SRGAP1: variants seen among roughly 807,000 people sequenced by gnomAD.
The protein encoded by SRGAP1 is SLIT-ROBO Rho GTPase-activating protein 1.
In SRGAP1, 43 loss-of-function variants were observed where a neutral mutation model predicts 121.9. The observed-to-expected ratio is 0.35, with a 90% confidence interval of 0.28 to 0.46. The LOEUF (loss-of-function observed/expected upper bound fraction) is 0.46, where lower values mean the gene tolerates loss of function less well. Among genes scored for constraint, SRGAP1 ranks in the 20% least tolerant of loss-of-function variants. The probability of loss-of-function intolerance (pLI) is 1.00; values close to 1 mark genes in which losing one functional copy is unlikely to be tolerated. For missense variants in SRGAP1, 1,102 were observed against 1,350.9 expected (o/e 0.82, Z 2.89); for synonymous variants, 447 against 485.4 (o/e 0.92, Z 1.04).
intron 6 of SRGAP1, among the ~76,000 whole-genome samples, chr12:64,046,713 A>C (rs1053449322): frequency 6.6e-6 from 1 of 152,134 alleles, no homozygotes; most frequent in Non-Finnish European, 1.5e-5. Flanking sequence ...TGAGATACCT[A>C]TCAGACATCT....
intron 19 of SRGAP1, among the ~76,000 whole-genome samples, chr12:64,127,243 C>T (rs1396345404): frequency 2.0e-5 from 3 of 152,104 alleles, no homozygotes; most frequent in African/African-American, 7.2e-5. Context: ...AGTATAAATG[C>T]CATACATATG....
chr12:64,082,489 C>G (rs1056917005), intron 10 of SRGAP1, among the ~76,000 whole-genome samples: 1 of 148,802 alleles, frequency 6.7e-6, no homozygotes, highest in African/African-American at 2.5e-5. Context: ...TCACTGTCAT[C>G]GCCCAGGCTG....
At chr12:63,887,142 G>A (rs1900414444) in intron 1 of SRGAP1, among the ~76,000 whole-genome samples, 1 of 152,190 alleles carries the variant, frequency 6.6e-6, no homozygotes, top group Admixed American at 6.5e-5. Context: ...CCAAAGTGCT[G>A]GGATTACAGG....
chr12:64,004,189 A>G (rs1593028970), intron 3 of SRGAP1, among the ~76,000 whole-genome samples: 3 of 152,214 alleles, frequency 2.0e-5, no homozygotes, highest in South Asian at 2.1e-4. Flanking sequence ...TTGTTTTCCC[A>G]TCTTAGGGTT....
At chr12:63,922,876 C>T (rs906890530) in intron 1 of SRGAP1, among the ~76,000 whole-genome samples, 1 of 152,224 alleles carries the variant, frequency 6.6e-6, no homozygotes, top group Non-Finnish European at 1.5e-5. Flanking sequence ...TGGTCAACCA[C>T]AAGAGTAGAT....
intron 4 of SRGAP1, among the ~76,000 whole-genome samples, chr12:64,031,707 G>A (rs560371737): frequency 6.6e-6 from 1 of 152,180 alleles, no homozygotes; most frequent in Non-Finnish European, 1.5e-5. Context: ...TCTCTTGAAA[G>A]GAAGCCTTCT....
intron 1 of SRGAP1, among the ~76,000 whole-genome samples, chr12:63,861,684 A>G (rs1244730837): frequency 6.6e-6 from 1 of 152,098 alleles, no homozygotes; most frequent in Non-Finnish European, 1.5e-5. Flanking sequence ...GTGACTCATG[A>G]CCTGTTTAAA....
At chr12:63,934,332 G>C (rs1182424470) in intron 1 of SRGAP1, among the ~76,000 whole-genome samples, 1 of 152,052 alleles carries the variant, frequency 6.6e-6, no homozygotes, top group African/African-American at 2.4e-5. Context: ...AGCTGCTTTT[G>C]AGTCAGTCCC....
chr12:63,956,303 G>C (rs1026715501), intron 1 of SRGAP1, among the ~76,000 whole-genome samples: 2 of 152,096 alleles, frequency 1.3e-5, no homozygotes, highest in Non-Finnish European at 2.9e-5. Context: ...GGGCTCAAGC[G>C]ATCCGTCTGC....
chr12:63,929,039 C>T (rs2031365468), intron 1 of SRGAP1, among the ~76,000 whole-genome samples: 1 of 152,082 alleles, frequency 6.6e-6, no homozygotes. Flanking sequence ...CCTAACAGGC[C>T]ACGGACCAAT....
At chr12:63,967,528 G>A (rs1027058107) in intron 1 of SRGAP1, among the ~76,000 whole-genome samples, 4 of 152,202 alleles carry the variant, frequency 2.6e-5, no homozygotes, top group Admixed American at 2.6e-4. Flanking sequence ...CAGTGGACGA[G>A]TTCTTATTGC....
At chr12:63,871,937 A>G (rs1353250775) in intron 1 of SRGAP1, 3 of 1,246,882 alleles carry the variant, frequency 2.4e-6, no homozygotes. Flanking sequence ...GCTTCTGATC[A>G]TAGCACCTCT....
intron 21 of SRGAP1, among the ~76,000 whole-genome samples, chr12:64,135,955 G>A (rs1347911002): frequency 6.6e-6 from 1 of 152,250 alleles, no homozygotes; most frequent in African/African-American, 2.4e-5. Context: ...AGAACTTGGA[G>A]TCTGATGTTT....
In SRGAP1 at chr12:64,108,634, T is replaced by A. The variant is rs78482545; in HGVS notation, c.1814-298T>A. 977 of 215,722 alleles carry A rather than the reference T, an allele frequency of 4.5e-3. 13 individuals are homozygous for A. The highest frequency in any genetic ancestry group is 0.021 in the African/African-American group (937 of 44,060). The allele number at this position is 215,722 out of a possible 1,614,324, so 13.4% of individuals were successfully genotyped here. On this transcript the variant is annotated intron_variant, in intron 15 of 21. Transcript: ENST00000355086. ...AGCAAGAAGTTGAAATCATATCAGATGCAAAATTTAGAATTAGCAGCAAAG... is the reference window on the plus strand; with the variant it reads ...AGCAAGAAGTTGAAATCATATCAGAAGCAAAATTTAGAATTAGCAGCAAAG...
At position 64,141,377 on chromosome 12, in the gene SRGAP1, C is replaced by G. The variant is rs572604746; in HGVS notation, c.2881-918C>G. Among the ~76,000 whole-genome samples the G allele has an allele frequency of 1.5e-3, 224 of 151,398 alleles. 1 individual carries two copies. The highest frequency in any genetic ancestry group is 5.3e-3 in the African/African-American group (217 of 41,218). ...CAGGCGGATCATGAGGTCAGGAGTT[C>G]GAGACCAGCCTGGCCAACATGGTGA... On this transcript the variant is annotated intron_variant, in intron 21 of 21. Transcript: ENST00000355086.
chr12:64,026,863 C>T (rs112414487), intron 4 of SRGAP1, among the ~76,000 whole-genome samples: 10 of 136,446 alleles, frequency 7.3e-5, no homozygotes, highest in African/African-American at 2.5e-4. Context: ...AAGACTCCAT[C>T]TCAAAAAAAA....
chr12:64,147,295 G>C lies in SRGAP1; in HGVS notation c.*4623G>C, dbSNP rs1459786889. 5.1e-6 allele frequency: 2 copies of C among 395,342 alleles called. No homozygotes were observed. The highest frequency in any genetic ancestry group is 4.5e-6 in the Non-Finnish European group (1 of 224,680). 24.5% of individuals were successfully genotyped at this position (395,342 alleles called of 1,614,324 possible). On this transcript the variant is annotated 3_prime_UTR_variant, in exon 22 of 22. Transcript: ENST00000355086. ...ACATCTGTAGTATGTACATGTGAAA[G>C]TGCCTTTCTATTTTAGAGGAGTTTT...
At chr12:63,951,186 C>CA (rs1322710757) in intron 1 of SRGAP1, among the ~76,000 whole-genome samples, 2 of 77,680 alleles carry the variant, frequency 2.6e-5, no homozygotes, top group African/African-American at 6.2e-5. Flanking sequence ...TTTTTTGAGA[C>CA]AGAGTCTTGC....
chr12:64,039,627 A>ATGTGTGTGTGTGTGTG (rs1565652059), intron 4 of SRGAP1, among the ~76,000 whole-genome samples: 8 of 38,376 alleles, frequency 2.1e-4, no homozygotes, highest in African/African-American at 5.8e-4. Context: ...CAGCTGAGCA[A>ATGTGTGTGTGTGTGTG]CGTGTGTGTG....
Sources: gnomAD v4.1 joint callset for allele counts (sites outside exome capture counted in the v4.1 genomes callset) on GRCh38, gnomAD v4.1.1 for gene constraint, MANE v1.5 for transcripts, NCBI Gene and HGNC (gene_info 2026-07-23, HGNC 2026-07-21) for gene names.